CREB3L3: variants seen among roughly 807,000 people sequenced by gnomAD.
CREB3L3 encodes the protein cAMP responsive element binding protein 3 like 3, also known as cyclic AMP-responsive element-binding protein 3-like protein 3.
In CREB3L3, 40 loss-of-function variants were observed where a neutral mutation model predicts 44.6. The ratio of observed to expected loss-of-function variants is 0.90; its 90% confidence interval spans 0.70 to 1.17. CREB3L3 has a LOEUF of 1.17. Among genes scored for constraint, CREB3L3 ranks in the 50% most tolerant of loss-of-function variants. The probability of loss-of-function intolerance (pLI) is 0.00; values close to 1 mark genes in which losing one functional copy is unlikely to be tolerated. For missense variants in CREB3L3, 578 were observed against 595.8 expected (o/e 0.97, Z 0.31); for synonymous variants, 273 against 256.3 (o/e 1.06, Z -0.62).
chr19:4,154,886 C>G lies in CREB3L3; in HGVS notation c.28-13C>G. On this transcript the variant is annotated splice_polypyrimidine_tract_variant and intron_variant, in intron 1 of 9. Coordinates refer to ENST00000078445, the MANE Select transcript of CREB3L3 (RefSeq NM_032607.3). Reference sequence around the variant, plus strand: ...GCTGTATGTGACCCTCACATCTGTTCCTCGCGCCCCAGATGGCTTCTGCTG... The same window carrying G: ...GCTGTATGTGACCCTCACATCTGTTGCTCGCGCCCCAGATGGCTTCTGCTG... 6.2e-7 allele frequency: 1 copy of G among 1,613,822 alleles called. No homozygotes were observed. Among genetic ancestry groups the G allele is most frequent in the Non-Finnish European group, 8.5e-7 (1 of 1,180,012 alleles).
intron 4 of CREB3L3, among the ~76,000 whole-genome samples, chr19:4,161,764 G>T (rs73918053): frequency 0.019 from 2,872 of 152,252 alleles, 76 homozygotes; most frequent in African/African-American, 0.064. Flanking sequence ...GAAGGCCAGG[G>T]TGCCCCTGGC....
intron 4 of CREB3L3, 67 bp from the exon 5 acceptor site, chr19:4,164,436 C>T: frequency 1.2e-6 from 2 of 1,601,378 alleles, no homozygotes; most frequent in Non-Finnish European, 1.7e-6. Context: ...GATCTGATAC[C>T]TCTTTCATTT....
At chr19:4,170,099 A>G in intron 6 of CREB3L3, 41 bp from the exon 7 acceptor site, 2 of 1,586,676 alleles carry the variant, frequency 1.3e-6, no homozygotes, top group Non-Finnish European at 1.7e-6. Flanking sequence ...CCAGCTGGTG[A>G]CTGGCATATG....
At position 4,159,799 on chromosome 19, in the gene CREB3L3, C is replaced by A; in HGVS notation, c.576+17C>A. On this transcript the variant is annotated intron_variant, in intron 4 of 9. Transcript: ENST00000078445. ...GGGGACCTGGTGAGCACCCCCACACCCTCCCATGGGGCGTTGGAGCTGGGA... is the reference window on the plus strand; with the variant it reads ...GGGGACCTGGTGAGCACCCCCACACACTCCCATGGGGCGTTGGAGCTGGGA... The A allele has an allele frequency of 9.2e-7, 1 of 1,089,484 alleles. No individual in the cohort carries two copies. Among genetic ancestry groups the A allele is most frequent in the Middle Eastern group, 2.1e-4 (1 of 4,716 alleles). 67.5% of individuals were successfully genotyped at this position (1,089,484 alleles called of 1,614,324 possible).
chr19:4,161,876 AAG>A (rs1177679634), intron 4 of CREB3L3, among the ~76,000 whole-genome samples: 2 of 152,194 alleles, frequency 1.3e-5, no homozygotes, highest in South Asian at 2.1e-4. Context: ...ACAGAAAAGA[AAG>A]AGAGCCTGCA....
At chr19:4,153,925 G>A in intron 1 of CREB3L3, 151 bp downstream of exon 1, 1 of 966,588 alleles carries the variant, frequency 1.0e-6, no homozygotes, top group Non-Finnish European at 1.6e-6. Flanking sequence ...AAAACTGTGT[G>A]CCTTTGCCCC....
chr19:4,162,137 C>G (rs1213472338), intron 4 of CREB3L3, among the ~76,000 whole-genome samples: 4 of 152,104 alleles, frequency 2.6e-5, no homozygotes, highest in African/African-American at 9.7e-5. Context: ...CCCCAGGTAG[C>G]TAGGACTACA....
chr19:4,170,684 C>A (rs1292493945), intron 7 of CREB3L3, among the ~76,000 whole-genome samples: 2 of 150,866 alleles, frequency 1.3e-5, no homozygotes, highest in African/African-American at 2.4e-5. Flanking sequence ...CTGAGGTGGG[C>A]GGATCACAAG....
In CREB3L3 at chr19:4,172,365, ACAGCCTGAAACAGACC is replaced by A; in HGVS notation, c.*400_*415del. On this transcript the variant is annotated 3_prime_UTR_variant, in exon 10 of 10. Transcript: ENST00000078445. ...GAAACAGACCCAGACAGACAGACAG[ACAGCCTGAAACAGACC>A]CAGACACAGCCTGAAACAGATCCGG... 5.4e-6 allele frequency: 2 copies of A among 369,108 alleles called. No homozygotes were observed. The highest frequency in any genetic ancestry group is 2.5e-5 in the South Asian group (1 of 39,798). 22.9% of individuals were successfully genotyped at this position (369,108 alleles called of 1,614,324 possible). A position where few individuals can be genotyped will look rare whatever the true frequency, so the allele number is the denominator to read the frequency against.
chr19:4,153,695 C>T lies in CREB3L3; in HGVS notation c.-53C>T. 2.5e-6 allele frequency: 4 copies of T among 1,610,808 alleles called. No homozygotes were observed. Among genetic ancestry groups the T allele is most frequent in the Non-Finnish European group, 3.4e-6 (4 of 1,177,656 alleles). On this transcript the variant is annotated 5_prime_UTR_variant, in exon 1 of 10. Coordinates refer to ENST00000078445, the MANE Select transcript of CREB3L3 (RefSeq NM_032607.3). ...GTAACGCTGGCGGTGGGTGGGCCTC[C>T]AGCTTGGAGCAGAGACCCCCCGAGG...
rs1277526391 is a variant in CREB3L3, at chr19:4,153,792, C to A, written c.27+18C>A. The stretch of plus-strand genomic sequence containing the variant: ...CTGGAAAGGTGAGCCCTACTAGGTC[C>A]CCAGGGAGAGCGGGAGTCTAGGCTG... On this transcript the variant is annotated intron_variant, in intron 1 of 9. Coordinates refer to ENST00000078445, the MANE Select transcript of CREB3L3 (RefSeq NM_032607.3). The A allele has an allele frequency of 6.2e-7, 1 of 1,613,836 alleles. No homozygotes were observed. The highest frequency in any genetic ancestry group is 8.5e-7 in the Non-Finnish European group (1 of 1,179,948).
intron 2 of CREB3L3, among the ~76,000 whole-genome samples, chr19:4,156,581 T>A (rs2041581657): frequency 6.7e-6 from 1 of 150,264 alleles, no homozygotes. Context: ...CTCGGCTCAC[T>A]GCAGCCTCCG....
intron 5 of CREB3L3, among the ~76,000 whole-genome samples, chr19:4,167,466 G>T (rs1044656661): frequency 9.2e-5 from 12 of 131,028 alleles, no homozygotes; most frequent in African/African-American, 3.4e-4. Flanking sequence ...AAGAAGGAAA[G>T]AAAGGAAGAA....
chr19:4,163,355 G>GAAAGAAAGAAA (rs1555703366), intron 4 of CREB3L3, among the ~76,000 whole-genome samples: 2 of 104,234 alleles, frequency 1.9e-5, no homozygotes, highest in South Asian at 4.0e-4. Flanking sequence ...AAAGAAAGAA[G>GAAAGAAAGAAA]GAAGGAAGGA....
In CREB3L3 at chr19:4,171,173, G is replaced by A. The variant is rs569059840; in HGVS notation, c.973G>A (p.Ala325Thr). 9.6e-5 allele frequency: 155 copies of A among 1,613,656 alleles called. 2 individuals are homozygous for A. In the South Asian group the frequency reaches 1.5e-3, roughly 15 times the overall value. Reference sequence around the variant, plus strand: ...GTCAGCCCAGACAGGCACCTGTGTCGCAGTGAGTCCTGGTGCCCCCAGGCA... The same window carrying A: ...GTCAGCCCAGACAGGCACCTGTGTCACAGTGAGTCCTGGTGCCCCCAGGCA... Reference protein sequence around the residue: ...SKSAQTGTCVAVLLLSFALII... With the variant: ...SKSAQTGTCVTVLLLSFALII... Residue 325 changes from alanine (A) to threonine (T), a missense_variant and splice_region_variant, in exon 8 of 10, where the codon GCA (alanine) becomes ACA (threonine). Transcript: ENST00000078445. The surrounding 1 kb of genome is among the most constrained non-coding windows in gnomAD (Gnocchi z 4.9).
At chr19:4,154,874 C>T (rs759308756) in intron 1 of CREB3L3, 25 bp from the exon 2 acceptor site, 3 of 1,613,502 alleles carry the variant, frequency 1.9e-6, no homozygotes, top group East Asian at 4.5e-5. Flanking sequence ...GTATGTGACC[C>T]TCACATCTGT....
intron 4 of CREB3L3, among the ~76,000 whole-genome samples, chr19:4,160,808 A>G (rs1311211125): frequency 2.7e-5 from 4 of 149,254 alleles, no homozygotes; most frequent in African/African-American, 9.9e-5. Flanking sequence ...ATCTCGGCTC[A>G]CTGCAAGCTC....
chr19:4,161,417 G>A (rs72978980), intron 4 of CREB3L3, among the ~76,000 whole-genome samples: 14,995 of 152,126 alleles, frequency 0.099, 970 homozygotes, highest in East Asian at 0.25. Context: ...CCCGCCTGGG[G>A]CTTTTATTAT....
rs2041552258 is a variant in CREB3L3, at chr19:4,154,924, A to G, written c.53A>G (p.Asp18Gly). The change falls in exon 2 of 10, where the codon GAC becomes GGC. Residue 18 changes from aspartate to glycine, a missense_variant. By Grantham distance (94) the Asp-to-Gly change is moderately conservative. Coordinates refer to ENST00000078445, the MANE Select transcript of CREB3L3 (RefSeq NM_032607.3). ...ATGGCTTCTGCTGCCTGCTCCATGG[A>G]CCCCATCGACAGCTTTGAGCTCCTG... ...GKMASAACSMDPIDSFELLDL... is the reference protein window; with the variant it reads ...GKMASAACSMGPIDSFELLDL... 1 of 1,613,658 alleles carries G rather than the reference A, an allele frequency of 6.2e-7. No homozygotes were observed. The highest frequency in any genetic ancestry group is 1.1e-5 in the South Asian group (1 of 91,078).
Sources: gnomAD v4.1 joint callset for allele counts (sites outside exome capture counted in the v4.1 genomes callset) on GRCh38, gnomAD v4.1.1 for gene constraint, Gnocchi (gnomAD v3.1) non-coding constraint, MANE v1.5 for transcripts, NCBI Gene and HGNC (gene_info 2026-07-23, HGNC 2026-07-21) for gene names.